Variants in FSTL5 observed in about 807,000 individuals in gnomAD.
FSTL5 encodes the protein follistatin-related protein 5.
FSTL5 carries 62 observed loss-of-function variants against 89.1 expected under a neutral mutation model. The ratio of observed to expected loss-of-function variants is 0.70; its 90% CI spans 0.57 to 0.86. The LOEUF (loss-of-function observed/expected upper bound fraction) is 0.86. FSTL5 is among the 40% of genes least tolerant of loss of function. The pLI is 0.00. For synonymous variants in FSTL5, 383 were observed against 346.2 expected (o/e 1.11, Z -1.18); for missense variants, 1,057 against 1,001.6 (o/e 1.06, Z -0.75).
At chr4:161,646,661 T>G (rs1212364456) in intron 7 of FSTL5, among the ~76,000 whole-genome samples, 1 of 152,128 alleles carries the variant, frequency 6.6e-6, no homozygotes, top group East Asian at 1.9e-4. Flanking sequence ...GCAATTGAAT[T>G]CTGGTTGAAT....
chr4:162,146,686 TTCCCTTCCCTTCCCTTCCCTTCCC>T, intron 1 of FSTL5, among the ~76,000 whole-genome samples: 1 of 83,874 alleles, frequency 1.2e-5, no homozygotes, highest in South Asian at 3.6e-4. Flanking sequence ...TTCCCTTCCC[TTCCCTTCCCTTCCCTTCCCTTCCC>T]CTTCCCCTTC....
chr4:161,641,746 T>A (rs1271513509), intron 7 of FSTL5, among the ~76,000 whole-genome samples: 2 of 152,120 alleles, frequency 1.3e-5, no homozygotes, highest in Non-Finnish European at 2.9e-5. Context: ...CGCCTTGGCC[T>A]CCCAAAATGC....
At chr4:161,956,761 A>C (rs1035365750) in intron 3 of FSTL5, among the ~76,000 whole-genome samples, 17 of 151,972 alleles carry the variant, frequency 1.1e-4, no homozygotes, top group African/African-American at 4.1e-4. Context: ...AAATAATGCA[A>C]ACTGATGTTT....
intron 3 of FSTL5, among the ~76,000 whole-genome samples, chr4:162,010,778 A>AT (rs1431387641): frequency 6.6e-6 from 1 of 152,176 alleles, no homozygotes; most frequent in East Asian, 1.9e-4. Flanking sequence ...TCAGTACCTC[A>AT]TTTTTTATTA....
intron 1 of FSTL5, among the ~76,000 whole-genome samples, chr4:162,132,658 G>A (rs939328655): frequency 1.3e-5 from 2 of 152,112 alleles, no homozygotes; most frequent in Non-Finnish European, 2.9e-5. Flanking sequence ...GCATAGATGT[G>A]CAAACTATCT....
intron 4 of FSTL5, among the ~76,000 whole-genome samples, chr4:161,866,465 A>AGTGTGTGT (rs70937692): frequency 0.18 from 23,368 of 131,618 alleles, 2,258 homozygotes; most frequent in Non-Finnish European, 0.2. Context: ...TCTAAGCTGT[A>AGTGTGTGT]GTGTGTGTGT....
chr4:161,398,877 A>G (rs1163152498), intron 15 of FSTL5, among the ~76,000 whole-genome samples: 1 of 152,108 alleles, frequency 6.6e-6, no homozygotes, highest in African/African-American at 2.4e-5. Flanking sequence ...CATGAATACA[A>G]TCTTCACATT....
intron 3 of FSTL5, among the ~76,000 whole-genome samples, chr4:161,923,223 T>C (rs1734039408): frequency 6.6e-6 from 1 of 151,886 alleles, no homozygotes; most frequent in Admixed American, 6.6e-5. Flanking sequence ...CTGAATCTCT[T>C]TTGGTCCTGA....
chr4:162,110,969 T>C (rs886142236), intron 2 of FSTL5, among the ~76,000 whole-genome samples: 4 of 151,998 alleles, frequency 2.6e-5, no homozygotes, highest in African/African-American at 9.7e-5. Context: ...ATATAAATTA[T>C]CTGGTAGATT....
intron 4 of FSTL5, among the ~76,000 whole-genome samples, chr4:161,858,965 C>A (rs555373573): frequency 6.6e-6 from 1 of 152,276 alleles, no homozygotes; most frequent in African/African-American, 2.4e-5. Flanking sequence ...AGTGGCTTTG[C>A]AATTTATGGT....
chr4:161,697,994 C>T (rs982611174), intron 6 of FSTL5, among the ~76,000 whole-genome samples: 3 of 151,762 alleles, frequency 2.0e-5, no homozygotes. Context: ...ACTGTGTTCT[C>T]CCAAAATTCA....
intron 6 of FSTL5, among the ~76,000 whole-genome samples, chr4:161,733,025 C>T (rs1739670407): frequency 6.6e-6 from 1 of 151,438 alleles, no homozygotes; most frequent in Non-Finnish European, 1.5e-5. Flanking sequence ...TGCTGAAAAG[C>T]CTCCTGGTGT....
chr4:161,616,679 C>A (rs1169653438), intron 7 of FSTL5, among the ~76,000 whole-genome samples: 3 of 151,992 alleles, frequency 2.0e-5, no homozygotes, highest in Non-Finnish European at 4.4e-5. Flanking sequence ...GGGAATAACA[C>A]AGATTGTGGC....
intron 15 of FSTL5, among the ~76,000 whole-genome samples, chr4:161,394,222 G>A (rs973499966): frequency 3.3e-5 from 5 of 152,098 alleles, no homozygotes; most frequent in Non-Finnish European, 7.4e-5. Flanking sequence ...CTTACTTCTG[G>A]TAAAGTTTTA....
At chr4:161,628,206 G>C (rs1735378018) in intron 7 of FSTL5, among the ~76,000 whole-genome samples, 1 of 152,054 alleles carries the variant, frequency 6.6e-6, no homozygotes, top group African/African-American at 2.4e-5. Context: ...GCATGTGATA[G>C]GCACTCAAAA....
intron 15 of FSTL5, among the ~76,000 whole-genome samples, chr4:161,406,431 A>G (rs1578949129): frequency 6.6e-6 from 1 of 152,266 alleles, no homozygotes; most frequent in African/African-American, 2.4e-5. Context: ...CTGTAGCTTA[A>G]TAAGTCTTCT....
At position 161,911,101 on chromosome 4, in the gene FSTL5, C is replaced by T. The variant is rs149275806; in HGVS notation, c.409+9303G>A. Among the ~76,000 whole-genome samples the T allele has an allele frequency of 2.2e-4, 34 of 152,154 alleles. No homozygotes were observed. The East Asian group carries it at 2.9e-3, about 13-fold the overall frequency. On this transcript the variant is annotated intron_variant, in intron 4 of 15. Transcript: ENST00000306100. ...GCTGTTTGAATCGACCATGATACCA[C>T]TTTGTATATTACATCTCTATGTAAA...
chr4:161,564,150 T>G (rs1732715242), intron 8 of FSTL5, among the ~76,000 whole-genome samples: 1 of 151,738 alleles, frequency 6.6e-6, no homozygotes, highest in South Asian at 2.1e-4. Context: ...TCAGCCAGCC[T>G]AATTAATTCT....
intron 10 of FSTL5, among the ~76,000 whole-genome samples, chr4:161,527,431 C>T (rs1731263082): frequency 6.6e-6 from 1 of 152,096 alleles, no homozygotes; most frequent in Non-Finnish European, 1.5e-5. Flanking sequence ...CTACAATGAA[C>T]TCAAACAAAT....
Sources: gnomAD v4.1 joint callset for allele counts (sites outside exome capture counted in the v4.1 genomes callset) on GRCh38, gnomAD v4.1.1 for gene constraint, MANE v1.5 for transcripts, NCBI Gene and HGNC (gene_info 2026-07-23, HGNC 2026-07-21) for gene names.